The following TBC1D5 variants were observed in gnomAD, a reference collection of about 807,000 sequenced individuals.
The protein encoded by TBC1D5 is TBC1 domain family, member 5.
TBC1D5 carries 75 observed loss-of-function variants against 100.3 expected under a neutral mutation model. That is an observed-to-expected ratio of 0.75 (90% confidence interval 0.62 to 0.91). TBC1D5 has a LOEUF of 0.91. Among genes scored for constraint, TBC1D5 ranks in the 40% least tolerant of loss-of-function variants. TBC1D5 has a pLI of 0.00. For missense variants in TBC1D5, 910 were observed against 942.4 expected (o/e 0.97, Z 0.45); for synonymous variants, 323 against 325.6 (o/e 0.99, Z 0.09).
At chr3:17,712,409 T>G (rs2074827710) in intron 1 of TBC1D5, among the ~76,000 whole-genome samples, 2 of 152,184 alleles carry the variant, frequency 1.3e-5, no homozygotes, top group African/African-American at 4.8e-5. Flanking sequence ...GCAGTGGGCA[T>G]CATTTTGTTT....
chr3:17,497,336 T>C (rs1416190589), intron 3 of TBC1D5, among the ~76,000 whole-genome samples: 1 of 152,224 alleles, frequency 6.6e-6, no homozygotes, highest in Non-Finnish European at 1.5e-5. Context: ...TCAATGTTTG[T>C]CCATCTCATG....
intron 1 of TBC1D5, chr3:17,706,171 G>A: frequency 6.4e-7 from 1 of 1,567,060 alleles, no homozygotes; most frequent in South Asian, 1.2e-5. Context: ...ACATCGGCAG[G>A]CAGCCGCTCG....
intron 3 of TBC1D5, among the ~76,000 whole-genome samples, chr3:17,493,509 T>C (rs1374214151): frequency 6.6e-6 from 1 of 152,220 alleles, no homozygotes; most frequent in Non-Finnish European, 1.5e-5. Flanking sequence ...GATGATATCC[T>C]GAAGTATGTT....
intron 2 of TBC1D5, among the ~76,000 whole-genome samples, chr3:17,532,532 C>T (rs2096240772): frequency 6.6e-6 from 1 of 152,166 alleles, no homozygotes; most frequent in Non-Finnish European, 1.5e-5. Flanking sequence ...AAGACACATG[C>T]ACACGTATGT....
At chr3:17,358,556 C>G (rs1427635917) in intron 13 of TBC1D5, among the ~76,000 whole-genome samples, 1 of 152,096 alleles carries the variant, frequency 6.6e-6, no homozygotes, top group Non-Finnish European at 1.5e-5. Context: ...CAGAGGTTCT[C>G]TTTAATAAAA....
chr3:17,546,256 C>A (rs886361476), intron 2 of TBC1D5, among the ~76,000 whole-genome samples: 2 of 152,074 alleles, frequency 1.3e-5, no homozygotes, highest in African/African-American at 2.4e-5. Flanking sequence ...TCATAGAAAT[C>A]CTATCTAAGA....
At chr3:17,359,712 G>C (rs2091531087) in intron 13 of TBC1D5, among the ~76,000 whole-genome samples, 1 of 151,938 alleles carries the variant, frequency 6.6e-6, no homozygotes, top group Non-Finnish European at 1.5e-5. Flanking sequence ...AAGTGATACA[G>C]GTTAGCTTAA....
intron 2 of TBC1D5, among the ~76,000 whole-genome samples, chr3:17,525,532 T>C (rs576974108): frequency 6.6e-6 from 1 of 152,346 alleles, no homozygotes; most frequent in Non-Finnish European, 1.5e-5. Context: ...TTCCATTCTT[T>C]TGGCTCAAAA....
chr3:17,581,590 T>A lies in TBC1D5; in HGVS notation c.-36+42259A>T, dbSNP rs150294880. ...CACTCTTGGAGTCATTCTTGACTCATCTCTTTCTTGCATAACTCAAATCCA... is the reference window on the plus strand; with the variant it reads ...CACTCTTGGAGTCATTCTTGACTCAACTCTTTCTTGCATAACTCAAATCCA... On this transcript the variant is annotated intron_variant, in intron 2 of 21. Transcript: ENST00000253692. Among the ~76,000 whole-genome samples, 16 of 152,354 alleles carry A rather than the reference T, an allele frequency of 1.1e-4. No homozygotes were observed. In the Middle Eastern group the frequency reaches 0.01, roughly 97 times the overall value.
At chr3:17,354,617 G>A (rs755167580) in intron 13 of TBC1D5, among the ~76,000 whole-genome samples, 2 of 151,704 alleles carry the variant, frequency 1.3e-5, no homozygotes, top group East Asian at 1.9e-4. Flanking sequence ...TTGAGTGAGC[G>A]ATGAAAACCT....
At chr3:17,405,044 T>G (rs937376487) in intron 5 of TBC1D5, 83 bp from the exon 6 acceptor site, 1 of 712,002 alleles carries the variant, frequency 1.4e-6, no homozygotes, top group African/African-American at 1.8e-5. Flanking sequence ...CACCTGAACA[T>G]TGAAAGACAT....
At chr3:17,637,188 ATT>A (rs1186523023) in intron 1 of TBC1D5, among the ~76,000 whole-genome samples, 59 of 95,468 alleles carry the variant, frequency 6.2e-4, no homozygotes, top group African/African-American at 2.3e-3. Context: ...TGCCCGACTA[ATT>A]TTTTTTTTTT....
intron 17 of TBC1D5, among the ~76,000 whole-genome samples, chr3:17,214,852 G>A (rs1458889171): frequency 6.6e-6 from 1 of 152,018 alleles, no homozygotes; most frequent in African/African-American, 2.4e-5. Flanking sequence ...TGAAAATTCA[G>A]GAACATTAAC....
intron 19 of TBC1D5, among the ~76,000 whole-genome samples, chr3:17,178,064 TC>T (rs1170572092): frequency 9.7e-5 from 12 of 124,058 alleles, no homozygotes; most frequent in Admixed American, 6.4e-4. Flanking sequence ...TGAATAGTGC[TC>T]CTTTTTTTTT....
chr3:17,318,144 C>T (rs538806133), intron 13 of TBC1D5, among the ~76,000 whole-genome samples: 31 of 149,078 alleles, frequency 2.1e-4, no homozygotes, highest in Non-Finnish European at 3.5e-4. Context: ...ACCAAACACC[C>T]CATATTCTCA....
intron 1 of TBC1D5, among the ~76,000 whole-genome samples, chr3:17,681,176 T>TA (rs1291017044): frequency 1.3e-5 from 2 of 151,642 alleles, no homozygotes; most frequent in Non-Finnish European, 2.9e-5. Context: ...ATACCGTAAC[T>TA]AACTGGAGGC....
At chr3:17,271,695 G>T (rs544956718) in intron 15 of TBC1D5, among the ~76,000 whole-genome samples, 1 of 152,154 alleles carries the variant, frequency 6.6e-6, no homozygotes, top group Non-Finnish European at 1.5e-5. Flanking sequence ...TTCTTAAGGG[G>T]AATGCTTCTA....
intron 2 of TBC1D5, among the ~76,000 whole-genome samples, chr3:17,553,182 A>G (rs147580532): frequency 6.6e-6 from 1 of 152,310 alleles, no homozygotes; most frequent in East Asian, 1.9e-4. Context: ...GCTGCTATTT[A>G]AAGAACTCTC....
exon 13 of TBC1D5, chr3:17,372,085 T>G: frequency 6.5e-7 from 1 of 1,547,306 alleles, no homozygotes; most frequent in Non-Finnish European, 8.8e-7. Flanking sequence ...AACCCATATA[T>G]CTGTGGTGCA....
Sources: gnomAD v4.1 joint callset for allele counts (sites outside exome capture counted in the v4.1 genomes callset) on GRCh38, gnomAD v4.1.1 for gene constraint, MANE v1.5 for transcripts, NCBI Gene and HGNC (gene_info 2026-07-23, HGNC 2026-07-21) for gene names.